The following COG6 variants were observed in gnomAD, a reference collection of about 807,000 sequenced individuals.
COG6 encodes the protein conserved oligomeric Golgi complex subunit 6.
COG6 carries 74 observed loss-of-function variants against 88.8 expected under a neutral mutation model. The ratio of observed to expected loss-of-function variants is 0.83; its 90% confidence interval spans 0.69 to 1.01. The LOEUF is 1.01. COG6 is among the 50% of genes least tolerant of loss of function. COG6 has a pLI of 0.00. For synonymous variants in COG6, 286 were observed against 278.7 expected (o/e 1.03, Z -0.26); for missense variants, 800 against 797.9 (o/e 1.00, Z -0.03).
Position 39,751,899 on chromosome 13 carries a change from G to T in COG6, c.*806G>T, listed in dbSNP as rs1030008578. ...GCCTGGTGTTTAAAGATGGGTATTT[G>T]TCATACAATATGGGTCCTAAATCCA... On this transcript the variant is annotated 3_prime_UTR_variant, in exon 19 of 19. Transcript: ENST00000455146. 7.9e-7 allele frequency: 1 copy of T among 1,271,748 alleles called. No individual in the cohort carries two copies. The highest frequency in any genetic ancestry group is 1.0e-6 in the Non-Finnish European group (1 of 974,814). The allele number at this position is 1,271,748 out of a possible 1,614,324, so 78.8% of individuals were successfully genotyped here. A position where few individuals can be genotyped will look rare whatever the true frequency, so the allele number is the denominator to read the frequency against.
chr13:39,780,534 G>T (rs571125862), intron 18 of COG6, among the ~76,000 whole-genome samples: 1 of 152,216 alleles, frequency 6.6e-6, no homozygotes, highest in South Asian at 2.1e-4. Flanking sequence ...TGGAAGAAAT[G>T]ACAAAAGAAA....
At chr13:39,707,069 T>C (rs1276294831) in intron 13 of COG6, among the ~76,000 whole-genome samples, 1 of 152,042 alleles carries the variant, frequency 6.6e-6, no homozygotes, top group African/African-American at 2.4e-5. Flanking sequence ...AAGTATTTAA[T>C]AATAATGACT....
At chr13:39,676,060 A>G (rs1247147585) in intron 4 of COG6, among the ~76,000 whole-genome samples, 1 of 152,082 alleles carries the variant, frequency 6.6e-6, no homozygotes, top group Non-Finnish European at 1.5e-5. Flanking sequence ...ACTCTTCGCT[A>G]TCTTGAAATA....
At chr13:39,723,197 A>G (rs756726677) in intron 15 of COG6, 136 bp from the exon 16 acceptor site, 8 of 652,148 alleles carry the variant, frequency 1.2e-5, no homozygotes, top group Non-Finnish European at 2.0e-5. Flanking sequence ...AGAAAGACTT[A>G]CTGTTTGGGG....
chr13:39,791,223 T>A (rs1007171964), exon 19 of COG6: 5 of 152,078 alleles, frequency 3.3e-5, no homozygotes, highest in African/African-American at 1.2e-4. Flanking sequence ...TGATTCCTGT[T>A]AAGATGAATC....
chr13:39,659,367 A>T lies in COG6; in HGVS notation c.157A>T (p.Met53Leu). 6.2e-7 allele frequency: 1 copy of T among 1,613,496 alleles called. No homozygotes were observed. Among genetic ancestry groups the T allele is most frequent in the Non-Finnish European group, 8.5e-7 (1 of 1,179,652 alleles). ...LETRLDNDKE[M>L]LEALKALSTF... Reference sequence around the variant, plus strand: ...TCTTCTGTTACCAATTGTATAGGAGATGTTAGAAGCTCTCAAGGCACTTTC... The same window carrying T: ...TCTTCTGTTACCAATTGTATAGGAGTTGTTAGAAGCTCTCAAGGCACTTTC... The change falls in exon 2 of 19, where the codon ATG (methionine) becomes TTG (leucine). Residue 53 changes from methionine to leucine, a missense_variant. Met to Leu is a conservative substitution (Grantham distance 15). Coordinates refer to ENST00000455146, the MANE Select transcript of COG6 (RefSeq NM_020751.3).
intron 15 of COG6, among the ~76,000 whole-genome samples, chr13:39,720,637 A>AGT (rs1878801464): frequency 6.6e-6 from 1 of 152,066 alleles, no homozygotes; most frequent in Non-Finnish European, 1.5e-5. Context: ...AAAAGCCACC[A>AGT]GTGTACCATC....
chr13:39,716,417 T>G (rs542275421), intron 13 of COG6, among the ~76,000 whole-genome samples: 1 of 152,106 alleles, frequency 6.6e-6, no homozygotes, highest in Non-Finnish European at 1.5e-5. Flanking sequence ...TGGCATATAG[T>G]TGGTACATGG....
chr13:39,726,066 C>G (rs9943937), intron 17 of COG6, among the ~76,000 whole-genome samples: 1 of 151,800 alleles, frequency 6.6e-6, no homozygotes. Flanking sequence ...TATGAATATA[C>G]GATGTCTCTG....
At chr13:39,704,982 G>A (rs1011979476) in intron 13 of COG6, among the ~76,000 whole-genome samples, 8 of 151,926 alleles carry the variant, frequency 5.3e-5, no homozygotes, top group African/African-American at 1.7e-4. Flanking sequence ...ACCATTTCAG[G>A]TTTTTTGCAA....
chr13:39,674,198 C>CTA (rs1182762954), intron 4 of COG6, among the ~76,000 whole-genome samples: 1 of 151,642 alleles, frequency 6.6e-6, no homozygotes, highest in African/African-American at 2.4e-5. Context: ...TCTCCAAATG[C>CTA]TATCCCTCCC....
At chr13:39,660,047 T>C (rs1183073471) in intron 2 of COG6, among the ~76,000 whole-genome samples, 1 of 152,218 alleles carries the variant, frequency 6.6e-6, no homozygotes, top group Non-Finnish European at 1.5e-5. Context: ...TTTTAATACA[T>C]TGTAATACTA....
rs1878136624 is a variant in COG6, at chr13:39,709,721, ATG to A, written c.1285-9507_1285-9506del. 2.0e-5 allele frequency among the ~76,000 whole-genome samples: 3 copies of A among 152,206 alleles called. 1 individual carries two copies. In the South Asian group the frequency reaches 6.2e-4, roughly 32 times the overall value. On this transcript the variant is annotated intron_variant, in intron 13 of 18. Transcript: ENST00000455146. ...TGTATATGTGATATGTAACACATAT[ATG>A]TGTGTGTCCACAAATATATATGTGT... is the stretch of plus-strand genomic sequence containing the variant.
intron 5 of COG6, among the ~76,000 whole-genome samples, chr13:39,679,184 G>A (rs1237354057): frequency 3.9e-5 from 6 of 152,108 alleles, no homozygotes; most frequent in African/African-American, 1.2e-4. Context: ...GTAATAAGGT[G>A]TGTAATACAC....
At chr13:39,683,745 A>AT (rs942275703) in intron 8 of COG6, among the ~76,000 whole-genome samples, 1 of 72,636 alleles carries the variant, frequency 1.4e-5, no homozygotes, top group African/African-American at 3.9e-5. Context: ...TCTTTTATGT[A>AT]TTAAAAAAAA....
chr13:39,723,120 A>G (rs545006215), intron 15 of COG6, among the ~76,000 whole-genome samples: 55 of 152,152 alleles, frequency 3.6e-4, no homozygotes, highest in Non-Finnish European at 2.2e-4. Context: ...AAATTTTGTG[A>G]CTGGAGGATA....
chr13:39,708,997 A>G (rs573177326), intron 13 of COG6, among the ~76,000 whole-genome samples: 42 of 152,130 alleles, frequency 2.8e-4, no homozygotes, highest in Non-Finnish European at 5.4e-4. Flanking sequence ...GGGGCTCCGC[A>G]TTAGAAAGGC....
At chr13:39,677,301 T>G (rs577952482) in intron 4 of COG6, among the ~76,000 whole-genome samples, 167 bp from the exon 5 acceptor site, 1 of 152,184 alleles carries the variant, frequency 6.6e-6, no homozygotes, top group Non-Finnish European at 1.5e-5. Flanking sequence ...ATCACCTACA[T>G]GTCTGATAAA....
chr13:39,699,050 T>G (rs1052536952), intron 12 of COG6, among the ~76,000 whole-genome samples: 2 of 151,856 alleles, frequency 1.3e-5, no homozygotes, highest in African/African-American at 4.8e-5. Context: ...ATAGGTGTGT[T>G]ATTGATATAG....
Sources: gnomAD v4.1 joint callset for allele counts (sites outside exome capture counted in the v4.1 genomes callset) on GRCh38, gnomAD v4.1.1 for gene constraint, MANE v1.5 for transcripts, NCBI Gene and HGNC (gene_info 2026-07-23, HGNC 2026-07-21) for gene names.